The following USP25 variants were observed in gnomAD, a reference collection of about 807,000 sequenced individuals.
USP25 encodes ubiquitin carboxyl-terminal hydrolase 25.
Under a neutral mutation model 158.5 loss-of-function variants are expected in USP25, and 85 were observed. The observed-to-expected ratio is 0.54, with a 90% CI of 0.45 to 0.64. USP25 has a LOEUF of 0.64. USP25 is among the 30% of genes least tolerant of loss of function. The probability of loss-of-function intolerance (pLI) is 0.00; values close to 1 mark genes in which losing one functional copy is unlikely to be tolerated. For synonymous variants in USP25, 464 were observed against 460.4 expected, an observed-to-expected ratio of 1.01 and a Z score of -0.10; for missense variants, 1,242 against 1,327.3, an observed-to-expected ratio of 0.94 and a Z score of 1.00.
intron 23 of USP25, among the ~76,000 whole-genome samples, chr21:15,871,694 A>G (rs2039890549): frequency 6.6e-6 from 1 of 152,218 alleles, no homozygotes. Flanking sequence ...ACTTGGAAAT[A>G]TGTTTAAATA....
intron 3 of USP25, among the ~76,000 whole-genome samples, chr21:15,771,682 CT>C (rs111601396): frequency 0.12 from 18,215 of 148,730 alleles, 2,037 homozygotes; most frequent in African/African-American, 0.3. Context: ...TTTTTTTTTT[CT>C]TTTTTTTTCC....
chr21:15,775,357 C>A (rs919333350), intron 3 of USP25, among the ~76,000 whole-genome samples: 2 of 152,126 alleles, frequency 1.3e-5, no homozygotes, highest in Non-Finnish European at 1.5e-5. Context: ...GGATTAGGTT[C>A]TTTAAAAAAT....
At position 15,826,901 on chromosome 21, in the gene USP25, C is replaced by T. The variant is rs2031183222; in HGVS notation, c.1467-76C>T. On this transcript the variant is annotated intron_variant, in intron 13 of 25. Coordinates refer to ENST00000400183, the MANE Select transcript of USP25 (RefSeq NM_001283041.3). This position sits in a 1 kb window ranked among gnomAD's most constrained non-coding sequence, Gnocchi z 4.8. ...TTTTGAATTACAAGCCAATTTAATA[C>T]TGTGGGTTTGGCACGATCTTTGTCA... 7 of 1,462,080 alleles carry T rather than the reference C, an allele frequency of 4.8e-6. No homozygotes were observed. Among genetic ancestry groups the T allele is most frequent in the Non-Finnish European group, 5.7e-6 (6 of 1,061,504 alleles). The allele number at this position is 1,462,080 out of a possible 1,614,324, so 90.6% of individuals were successfully genotyped here. A position where few individuals can be genotyped will look rare whatever the true frequency, so the allele number is the denominator to read the frequency against.
Position 15,879,922 on chromosome 21 carries a change from T to G in USP25, c.*1447T>G, listed in dbSNP as rs1340107344. On this transcript the variant is annotated 3_prime_UTR_variant, in exon 26 of 26. Transcript: ENST00000400183. The stretch of plus-strand genomic sequence containing the variant: ...TTTGCATATTGTATCTATCAAAATA[T>G]GTTTGGGTTTAGATTTTAAGTTGTC... 1 of 152,256 alleles carries G rather than the reference T, an allele frequency of 6.6e-6. No individual in the cohort carries two copies. Among genetic ancestry groups the G allele is most frequent in the Non-Finnish European group, 1.5e-5 (1 of 68,028 alleles). The allele number at this position is 152,256 out of a possible 1,614,324, so 9.4% of individuals were successfully genotyped here.
intron 17 of USP25, 62 bp from the exon 18 acceptor site, chr21:15,842,336 T>C: frequency 6.6e-7 from 1 of 1,506,252 alleles, no homozygotes; most frequent in Non-Finnish European, 8.9e-7. Context: ...GAATAAAAGA[T>C]TTATCTTAGT....
chr21:15,817,541 A>G (rs1159608764), intron 9 of USP25, among the ~76,000 whole-genome samples: 1 of 152,168 alleles, frequency 6.6e-6, no homozygotes, highest in East Asian at 1.9e-4. Flanking sequence ...TGATAAAGAC[A>G]TACCCGAGAC....
At chr21:15,842,676 C>G (rs2038397045) in intron 18 of USP25, 136 bp downstream of exon 18, 6 of 1,041,972 alleles carry the variant, frequency 5.8e-6, no homozygotes, top group Non-Finnish European at 1.4e-6. Flanking sequence ...GATCAGTGAC[C>G]ATGGGCAAGT....
At chr21:15,738,613 A>G (rs1382833229) in intron 1 of USP25, among the ~76,000 whole-genome samples, 1 of 152,290 alleles carries the variant, frequency 6.6e-6, no homozygotes, top group East Asian at 1.9e-4. Flanking sequence ...CCACCTTGCT[A>G]AATGTTTCTA....
chr21:15,744,683 G>C (rs567613191), intron 1 of USP25, among the ~76,000 whole-genome samples: 4 of 152,158 alleles, frequency 2.6e-5, no homozygotes, highest in Non-Finnish European at 5.9e-5. Context: ...CCACCTCCCA[G>C]GTTCAAGCGA....
In USP25 at chr21:15,826,741, G is replaced by T. The variant is rs1438879809; in HGVS notation, c.1467-236G>T. 6.6e-6 allele frequency among the ~76,000 whole-genome samples: 1 copy of T among 152,074 alleles called. No homozygotes were observed. The highest frequency in any genetic ancestry group is 1.5e-5 in the Non-Finnish European group (1 of 67,984). On this transcript the variant is annotated intron_variant, in intron 13 of 25. Coordinates refer to ENST00000400183, the MANE Select transcript of USP25 (RefSeq NM_001283041.3). The surrounding 1 kb of genome is among the most constrained non-coding windows in gnomAD (Gnocchi z 4.8). The stretch of plus-strand genomic sequence containing the variant: ...ATATCACCATGCGTAAGATTTTCTT[G>T]TTTTTTAGAAATAAATATGATTAAG...
At chr21:15,779,892 G>GC (rs1163545129) in intron 4 of USP25, among the ~76,000 whole-genome samples, 1 of 151,938 alleles carries the variant, frequency 6.6e-6, no homozygotes, top group Non-Finnish European at 1.5e-5. Flanking sequence ...TCAATAACCC[G>GC]CAATGAGCAA....
intron 3 of USP25, 70 bp from the exon 4 acceptor site, chr21:15,777,834 A>G: frequency 5.6e-6 from 8 of 1,428,392 alleles, no homozygotes; most frequent in Non-Finnish European, 7.5e-6. Context: ...TTGGATATAA[A>G]ATCTCCATAA....
intron 17 of USP25, among the ~76,000 whole-genome samples, chr21:15,836,196 GC>G (rs1458348228): frequency 1.3e-5 from 2 of 151,988 alleles, no homozygotes; most frequent in Non-Finnish European, 2.9e-5. Flanking sequence ...TTTCCTCCCT[GC>G]AAAATCTTCT....
At chr21:15,822,604 G>A (rs2037288923) in intron 10 of USP25, among the ~76,000 whole-genome samples, 1 of 151,962 alleles carries the variant, frequency 6.6e-6, no homozygotes, top group African/African-American at 2.4e-5. Context: ...CTACTTTCTT[G>A]TTTGAGTATC....
At chr21:15,866,379 T>C (rs780996895) in intron 22 of USP25, 35 bp downstream of exon 22, 30 of 1,461,682 alleles carry the variant, frequency 2.1e-5, no homozygotes, top group Non-Finnish European at 2.8e-5. Context: ...ACTACAGATT[T>C]AGGGATTCTG....
chr21:15,814,682 T>G (rs558361203), intron 9 of USP25, among the ~76,000 whole-genome samples: 56 of 151,630 alleles, frequency 3.7e-4, no homozygotes, highest in African/African-American at 1.3e-3. Flanking sequence ...TTGAGAGAGA[T>G]GATTTAAGAT....
At chr21:15,840,815 T>G (rs544808049) in intron 17 of USP25, among the ~76,000 whole-genome samples, 76 of 152,290 alleles carry the variant, frequency 5.0e-4, no homozygotes, top group Non-Finnish European at 9.6e-4. Context: ...TGCTTTAAGT[T>G]CACATCCAAT....
intron 17 of USP25, among the ~76,000 whole-genome samples, chr21:15,840,701 C>T (rs1451107989): frequency 6.6e-6 from 1 of 152,158 alleles, no homozygotes; most frequent in Non-Finnish European, 1.5e-5. Flanking sequence ...GTGGATTTGA[C>T]ATGTGTTGAT....
intron 24 of USP25, among the ~76,000 whole-genome samples, chr21:15,874,757 G>A (rs1248873830): frequency 5.3e-5 from 8 of 152,146 alleles, no homozygotes; most frequent in Non-Finnish European, 1.2e-4. Flanking sequence ...TCTTAAAATA[G>A]CATCAGTTTG....
Sources: gnomAD v4.1 joint callset for allele counts (sites outside exome capture counted in the v4.1 genomes callset) on GRCh38, gnomAD v4.1.1 for gene constraint, Gnocchi (gnomAD v3.1) non-coding constraint, MANE v1.5 for transcripts, NCBI Gene and HGNC (gene_info 2026-07-23, HGNC 2026-07-21) for gene names.